SPIDR: variants seen among roughly 807,000 people sequenced by gnomAD.
SPIDR encodes the protein scaffold protein involved in DNA repair.
SPIDR carries 93 observed loss-of-function variants against 104.6 expected under a neutral mutation model. The ratio of observed to expected loss-of-function variants is 0.89; its 90% CI spans 0.75 to 1.06. The LOEUF (loss-of-function observed/expected upper bound fraction) is 1.06, where lower values mean the gene tolerates loss of function less well. Ranked by LOEUF, SPIDR falls within the 50% of genes least tolerant of loss-of-function variation. The probability of loss-of-function intolerance (pLI) is 0.00; values close to 1 mark genes in which losing one functional copy is unlikely to be tolerated. For synonymous variants in SPIDR, 431 were observed against 416.9 expected (o/e 1.03, Z -0.41); for missense variants, 1,154 against 1,111.2 (o/e 1.04, Z -0.55).
In SPIDR at chr8:47,416,738, A is replaced by G. The variant is rs1465155407; in HGVS notation, c.877+8777A>G. On this transcript the variant is annotated intron_variant, in intron 7 of 19. Coordinates refer to ENST00000297423, the MANE Select transcript of SPIDR (RefSeq NM_001080394.4). ...TGCACCCATTAACTCGTCATTTAACATTAGGTATATCTCCTAATGCTATCC... is the reference window on the plus strand; with the variant it reads ...TGCACCCATTAACTCGTCATTTAACGTTAGGTATATCTCCTAATGCTATCC... 3.3e-5 allele frequency among the ~76,000 whole-genome samples: 5 copies of G among 152,148 alleles called. No homozygotes were observed. The South Asian group carries it at 6.2e-4, about 19-fold the overall frequency.
chr8:47,634,889 A>G (rs2067651173), intron 10 of SPIDR, among the ~76,000 whole-genome samples: 1 of 152,192 alleles, frequency 6.6e-6, no homozygotes, highest in Admixed American at 6.5e-5. Context: ...AGCTGGAGAA[A>G]GTTTTTCACC....
chr8:47,620,663 G>A (rs973499518), intron 10 of SPIDR, among the ~76,000 whole-genome samples: 98 of 152,044 alleles, frequency 6.4e-4, no homozygotes, highest in Non-Finnish European at 1.8e-4. Flanking sequence ...CTGTCATCAG[G>A]CTGGAGTGCA....
chr8:47,502,945 T>G (rs1392699701), intron 8 of SPIDR, among the ~76,000 whole-genome samples: 1 of 152,202 alleles, frequency 6.6e-6, no homozygotes, highest in Non-Finnish European at 1.5e-5. Flanking sequence ...AGTTGAGCAG[T>G]TTTGAGTGAG....
chr8:47,647,670 G>T (rs796692086), intron 10 of SPIDR, among the ~76,000 whole-genome samples: 2,782 of 148,902 alleles, frequency 0.019, 11 homozygotes, highest in African/African-American at 0.065. Context: ...GAGAGAGAGG[G>T]AGAGAGGGAG....
In SPIDR at chr8:47,595,930, C is replaced by A. The variant is rs1389778025; in HGVS notation, c.1217C>A (p.Pro406His). ...TGTGAAGTGTACTGTCCGGACATAC[C>A]CCTTCCAAGAAGAAGCATCTCTTTG... Reference protein sequence around the residue: ...KTCEVYCPDIPLPRRSISLAQ... With the variant: ...KTCEVYCPDIHLPRRSISLAQ... Residue 406 changes from proline to histidine, a missense_variant, in exon 9 of 20, where the codon CCC becomes CAC. Pro to His is a moderately conservative substitution (Grantham distance 77). Transcript: ENST00000297423. 1 of 1,614,062 alleles carries A rather than the reference C, an allele frequency of 6.2e-7. No individual in the cohort carries two copies. Among genetic ancestry groups the A allele is most frequent in the Non-Finnish European group, 8.5e-7 (1 of 1,180,010 alleles).
At position 47,291,075 on chromosome 8, in the gene SPIDR, CATGG is replaced by C; in HGVS notation, c.301_304del (p.Trp101AlafsTer63). On this transcript the variant is annotated frameshift_variant, in exon 4 of 20. Coordinates refer to ENST00000297423, the MANE Select transcript of SPIDR (RefSeq NM_001080394.4). LOFTEE classifies it high-confidence loss of function. ...AGCACCAGTGGGCTTACAGACATAACATGGAGCTCCAGTGGAAGTGATTTGTCGG... is the reference window on the plus strand; with the variant it reads ...AGCACCAGTGGGCTTACAGACATAACAGCTCCAGTGGAAGTGATTTGTCGG... 6.2e-7 allele frequency: 1 copy of C among 1,613,308 alleles called. No homozygotes were observed. Among genetic ancestry groups the C allele is most frequent in the Non-Finnish European group, 8.5e-7 (1 of 1,179,560 alleles).
intron 8 of SPIDR, chr8:47,527,766 T>G (rs1049029224): frequency 6.6e-6 from 1 of 152,204 alleles, no homozygotes; most frequent in African/African-American, 2.4e-5. Context: ...GGGCTACTGT[T>G]TTATTTTATT....
intron 11 of SPIDR, among the ~76,000 whole-genome samples, chr8:47,692,469 A>T (rs1368120559): frequency 6.7e-6 from 1 of 149,794 alleles, no homozygotes; most frequent in Non-Finnish European, 1.5e-5. Flanking sequence ...TCCATGATGT[A>T]ACATGTATCA....
At chr8:47,475,505 C>T (rs1242056546) in intron 8 of SPIDR, among the ~76,000 whole-genome samples, 2 of 152,144 alleles carry the variant, frequency 1.3e-5, no homozygotes, top group East Asian at 3.8e-4. Flanking sequence ...TAAAGCCATG[C>T]ACTAACTTAA....
At chr8:47,436,289 A>C (rs545002860) in intron 7 of SPIDR, among the ~76,000 whole-genome samples, 23 of 152,366 alleles carry the variant, frequency 1.5e-4, no homozygotes, top group African/African-American at 4.1e-4. Flanking sequence ...CTTCCTGGAC[A>C]AGGTGATATT....
At chr8:47,658,399 CAA>C (rs1448484387) in intron 10 of SPIDR, among the ~76,000 whole-genome samples, 1 of 148,956 alleles carries the variant, frequency 6.7e-6, no homozygotes, top group Non-Finnish European at 1.5e-5. Context: ...GCCTGGGCAA[CAA>C]GAGAGAAACT....
intron 10 of SPIDR, 117 bp from the exon 11 acceptor site, chr8:47,673,684 T>C: frequency 1.5e-6 from 2 of 1,357,088 alleles, no homozygotes; most frequent in African/African-American, 1.5e-5. Context: ...TTTCTTTAAA[T>C]TATATTGACC....
At chr8:47,487,747 GA>G (rs2077930107) in intron 8 of SPIDR, among the ~76,000 whole-genome samples, 1 of 152,194 alleles carries the variant, frequency 6.6e-6, no homozygotes, top group African/African-American at 2.4e-5. Context: ...ACGTGCTCCT[GA>G]ATGACTACTG....
chr8:47,582,602 C>A (rs1179064930), intron 8 of SPIDR, among the ~76,000 whole-genome samples: 1 of 152,064 alleles, frequency 6.6e-6, no homozygotes, highest in Non-Finnish European at 1.5e-5. Flanking sequence ...GGAAATAGTT[C>A]TTAATGCAAA....
chr8:47,729,445 T>A lies in SPIDR; in HGVS notation c.2584T>A (p.Phe862Ile), dbSNP rs1297389726. ...GCGCAGCATTTCCTCCCTGCTGAGGTTTGCCGCCGGTGAAGATGGGGTAAG... is the reference window on the plus strand; with the variant it reads ...GCGCAGCATTTCCTCCCTGCTGAGGATTGCCGCCGGTGAAGATGGGGTAAG... ...LQRSISSLLRFAAGEDGSYEV... is the reference protein window; with the variant it reads ...LQRSISSLLRIAAGEDGSYEV... Residue 862 changes from phenylalanine to isoleucine, a missense_variant, in exon 19 of 20, where the codon TTT (phenylalanine) becomes ATT (isoleucine). Physicochemically the swap from Phe to Ile is conservative, Grantham distance 21. Coordinates refer to ENST00000297423, the MANE Select transcript of SPIDR (RefSeq NM_001080394.4). The A allele has an allele frequency of 6.3e-7, 1 of 1,598,320 alleles. No homozygotes were observed. The highest frequency in any genetic ancestry group is 1.7e-5 in the Admixed American group (1 of 57,838).
intron 7 of SPIDR, among the ~76,000 whole-genome samples, chr8:47,417,091 G>A (rs1348042749): frequency 6.6e-6 from 1 of 152,140 alleles, no homozygotes; most frequent in African/African-American, 2.4e-5. Context: ...AAACATACAT[G>A]TGCATGTGTC....
chr8:47,629,479 G>T (rs1303237993), intron 10 of SPIDR, among the ~76,000 whole-genome samples: 1 of 152,240 alleles, frequency 6.6e-6, no homozygotes, highest in Admixed American at 6.5e-5. Context: ...AGGGCCAGGT[G>T]TGGTGGCTCA....
intron 5 of SPIDR, among the ~76,000 whole-genome samples, chr8:47,357,557 C>T (rs1035283720): frequency 4.6e-5 from 7 of 152,104 alleles, no homozygotes; most frequent in Admixed American, 1.3e-4. Flanking sequence ...TTTCGTCCAT[C>T]GTTTTACTCT....
chr8:47,707,361 T>C (rs566188332), intron 14 of SPIDR, among the ~76,000 whole-genome samples: 58 of 152,316 alleles, frequency 3.8e-4, no homozygotes, highest in Non-Finnish European at 7.6e-4. Flanking sequence ...TTCATGTGTT[T>C]ACTTGCCATC....
Sources: allele counts gnomAD v4.1 joint callset (sites outside exome capture counted in the v4.1 genomes callset), GRCh38; gene constraint gnomAD v4.1.1; transcripts MANE v1.5; gene names NCBI Gene and HGNC (gene_info 2026-07-23, HGNC 2026-07-21).